The following NCKAP5 variants were observed in gnomAD, a reference collection of about 807,000 sequenced individuals.
NCKAP5 encodes the protein NCK associated protein 5, also known as nck-associated protein 5.
A neutral mutation model predicts 167.0 loss-of-function variants in NCKAP5; 92 were observed. The ratio of observed to expected loss-of-function variants is 0.55; its 90% CI spans 0.47 to 0.66. The LOEUF (loss-of-function observed/expected upper bound fraction) is 0.66, where lower values mean the gene tolerates loss of function less well. NCKAP5 is among the 30% of genes least tolerant of loss of function. The probability of loss-of-function intolerance (pLI) is 0.00; values close to 1 mark genes in which losing one functional copy is unlikely to be tolerated. For synonymous variants in NCKAP5, 891 were observed against 877.4 expected (o/e 1.02, Z -0.27); for missense variants, 2,378 against 2,315.0 (o/e 1.03, Z -0.56).
intron 8 of NCKAP5, among the ~76,000 whole-genome samples, chr2:132,946,245 A>C (rs2149120753): frequency 6.6e-6 from 1 of 152,278 alleles, no homozygotes; most frequent in South Asian, 2.1e-4. Context: ...AGGTTCCATA[A>C]GATATTCTTT....
intron 3 of NCKAP5, among the ~76,000 whole-genome samples, chr2:133,458,353 T>A (rs1366351053): frequency 6.6e-6 from 1 of 152,162 alleles, no homozygotes; most frequent in Non-Finnish European, 1.5e-5. Flanking sequence ...CTCTTCCTCA[T>A]CTCAATTTCA....
chr2:133,481,259 CATG>C (rs1189365873), intron 3 of NCKAP5, among the ~76,000 whole-genome samples: 3 of 152,150 alleles, frequency 2.0e-5, no homozygotes, highest in Non-Finnish European at 4.4e-5. Flanking sequence ...CCACACCTGG[CATG>C]ATGAAGTGTT....
At chr2:133,305,442 A>G (rs1680714228) in intron 3 of NCKAP5, among the ~76,000 whole-genome samples, 1 of 152,234 alleles carries the variant, frequency 6.6e-6, no homozygotes, top group Admixed American at 6.5e-5. Flanking sequence ...CATACATACC[A>G]TCATGACTGC....
chr2:132,988,738 A>T (rs1339452758), intron 7 of NCKAP5, among the ~76,000 whole-genome samples: 1 of 152,186 alleles, frequency 6.6e-6, no homozygotes, highest in Non-Finnish European at 1.5e-5. Context: ...TTTGCCTAGT[A>T]ATAAAAAACA....
intron 6 of NCKAP5, among the ~76,000 whole-genome samples, chr2:133,044,777 A>G (rs889925941): frequency 2.0e-5 from 3 of 152,186 alleles, no homozygotes; most frequent in African/African-American, 4.8e-5. Flanking sequence ...CATGACCAAG[A>G]CAGTTCTTCG....
chr2:133,131,431 GT>G (rs1559172434), intron 5 of NCKAP5, among the ~76,000 whole-genome samples: 1 of 151,824 alleles, frequency 6.6e-6, no homozygotes, highest in Non-Finnish European at 1.5e-5. Context: ...TTTTTCTACT[GT>G]TATTTTTCAT....
At chr2:133,391,758 T>G (rs1574865631) in intron 3 of NCKAP5, among the ~76,000 whole-genome samples, 1 of 152,272 alleles carries the variant, frequency 6.6e-6, no homozygotes, top group Non-Finnish European at 1.5e-5. Flanking sequence ...TAGTCTAATC[T>G]TCACCAGAAT....
At chr2:132,760,976 A>G (rs1229702960) in intron 16 of NCKAP5, among the ~76,000 whole-genome samples, 3 of 152,168 alleles carry the variant, frequency 2.0e-5, no homozygotes, top group Admixed American at 2.0e-4. Context: ...AGAGTGAATT[A>G]GGTCCCTGAG....
chr2:133,591,474 G>A, the NCKAP5 span, among the ~76,000 whole-genome samples: 1 of 152,220 alleles, frequency 6.6e-6, no homozygotes, highest in Non-Finnish European at 1.5e-5. Flanking sequence ...GAAGGAGGGG[G>A]AGAGGACTTC....
At chr2:133,493,907 C>A (rs1001591075) in intron 3 of NCKAP5, among the ~76,000 whole-genome samples, 1 of 152,202 alleles carries the variant, frequency 6.6e-6, no homozygotes, top group South Asian at 2.1e-4. Flanking sequence ...CCCTGGCTCT[C>A]CATCACCCAA....
At chr2:133,261,202 T>C (rs1258884858) in intron 4 of NCKAP5, among the ~76,000 whole-genome samples, 1 of 152,008 alleles carries the variant, frequency 6.6e-6, no homozygotes, top group African/African-American at 2.4e-5. Context: ...GATCAAGAGA[T>C]TGTTGAACCC....
chr2:133,270,931 C>T (rs1985935), intron 4 of NCKAP5, among the ~76,000 whole-genome samples: 26,114 of 80,432 alleles, frequency 0.32, 2,202 homozygotes, highest in African/African-American at 0.38. Flanking sequence ...TTTTTTTTTT[C>T]TTTTTTGAGA....
At chr2:133,037,592 C>A (rs2079079756) in intron 6 of NCKAP5, among the ~76,000 whole-genome samples, 1 of 152,072 alleles carries the variant, frequency 6.6e-6, no homozygotes, top group South Asian at 2.1e-4. Context: ...ACTGGACATC[C>A]AAATGCGGAA....
intron 3 of NCKAP5, among the ~76,000 whole-genome samples, chr2:133,446,710 C>T (rs1416780481): frequency 6.6e-6 from 1 of 152,106 alleles, no homozygotes; most frequent in African/African-American, 2.4e-5. Context: ...AAGCCAAACT[C>T]AAGATGAAAG....
chr2:132,807,233 C>T (rs1166470221), intron 11 of NCKAP5, among the ~76,000 whole-genome samples: 1 of 152,008 alleles, frequency 6.6e-6, no homozygotes, highest in Non-Finnish European at 1.5e-5. Flanking sequence ...CTTGCTTTGG[C>T]TATGTGGCTC....
At chr2:133,188,397 T>C (rs1164460103) in intron 5 of NCKAP5, among the ~76,000 whole-genome samples, 1 of 151,950 alleles carries the variant, frequency 6.6e-6, no homozygotes, top group African/African-American at 2.4e-5. Flanking sequence ...TTAACAAGGA[T>C]ATCCAGGAAC....
intron 6 of NCKAP5, among the ~76,000 whole-genome samples, chr2:133,114,357 C>A (rs1254036581): frequency 6.6e-6 from 1 of 152,104 alleles, no homozygotes; most frequent in Non-Finnish European, 1.5e-5. Flanking sequence ...CAACTCAAAG[C>A]CAATTGAGTT....
chr2:133,499,543 A>C (rs891786452), intron 3 of NCKAP5, among the ~76,000 whole-genome samples: 33 of 85,906 alleles, frequency 3.8e-4, no homozygotes, highest in African/African-American at 1.6e-3. Context: ...TAAAAGTCTA[A>C]GTGTTCTTTT....
intron 3 of NCKAP5, among the ~76,000 whole-genome samples, chr2:133,324,238 G>A (rs1682273047): frequency 6.6e-6 from 1 of 152,220 alleles, no homozygotes; most frequent in East Asian, 1.9e-4. Context: ...TCTGGGGATG[G>A]CTCAAGGGAA....
Sources: gnomAD v4.1 joint callset for allele counts (sites outside exome capture counted in the v4.1 genomes callset) on GRCh38, gnomAD v4.1.1 for gene constraint, MANE v1.5 for transcripts, NCBI Gene and HGNC (gene_info 2026-07-23, HGNC 2026-07-21) for gene names.